MTA3: variants seen among roughly 807,000 people sequenced by gnomAD.
The protein encoded by MTA3 is metastasis associated 1 family member 3, also known as metastasis-associated protein MTA3.
MTA3 carries 34 observed loss-of-function variants against 83.5 expected under a neutral mutation model. The observed-to-expected ratio is 0.41, with a 90% confidence interval of 0.31 to 0.54. MTA3 has a LOEUF of 0.54. Among genes scored for constraint, MTA3 ranks in the 20% least tolerant of loss-of-function variants. The pLI, the probability that MTA3 is intolerant of heterozygous loss-of-function variation, is 0.33. For synonymous variants in MTA3, 303 were observed against 252.7 expected (o/e 1.20, Z -1.89); for missense variants, 761 against 726.4 (o/e 1.05, Z -0.55).
In MTA3 at chr2:42,682,514, A is replaced by T; in HGVS notation, c.816A>T (p.Ser272=). 6.2e-7 allele frequency: 1 copy of T among 1,612,732 alleles called. No homozygotes were observed. The part of the protein sequence containing the change: ...VLCRDEMEEW[S]ASEASLFEEA... ...GCAGAGATGAAATGGAGGAATGGTC[A>T]GCCTCTGAAGCTAGCTTATTTGAAG... Residue 272 remains serine (S), a synonymous_variant, in exon 9 of 17, where the codon TCA becomes TCT. Transcript: ENST00000405094.
intron 2 of MTA3, among the ~76,000 whole-genome samples, chr2:42,554,762 C>G (rs1044871951): frequency 6.6e-6 from 1 of 152,126 alleles, no homozygotes; most frequent in Non-Finnish European, 1.5e-5. Flanking sequence ...AAGGGTCTCC[C>G]CAGTGTTTGT....
chr2:42,725,221 G>A (rs1667725199), intron 16 of MTA3, among the ~76,000 whole-genome samples: 1 of 152,234 alleles, frequency 6.6e-6, no homozygotes, highest in Admixed American at 6.5e-5. Context: ...TTGGCATGTA[G>A]TAGGTACTCA....
chr2:42,714,417 C>A (rs1457859544), intron 14 of MTA3, among the ~76,000 whole-genome samples: 1 of 151,678 alleles, frequency 6.6e-6, no homozygotes, highest in Non-Finnish European at 1.5e-5. Context: ...AGTTTTGTGG[C>A]TTCTTTAAAA....
At chr2:42,614,706 G>C (rs973841509) in intron 4 of MTA3, among the ~76,000 whole-genome samples, 10 of 152,044 alleles carry the variant, frequency 6.6e-5, no homozygotes, top group African/African-American at 2.4e-4. Flanking sequence ...TGGGTGCAGT[G>C]GCTCATGCCT....
At chr2:42,568,844 CG>C (rs1416925842) in intron 1 of MTA3, 71 bp downstream of exon 1, 14 of 1,202,692 alleles carry the variant, frequency 1.2e-5, no homozygotes, top group Non-Finnish European at 1.3e-5. Context: ...GGCGAGTGCA[CG>C]CCAACTGCCG....
intron 3 of MTA3, among the ~76,000 whole-genome samples, chr2:42,591,602 A>G (rs1196812562): frequency 2.0e-5 from 3 of 151,458 alleles, no homozygotes; most frequent in African/African-American, 7.3e-5. Flanking sequence ...ATTTTCTTTC[A>G]TCATATATCC....
intron 2 of MTA3, among the ~76,000 whole-genome samples, 195 bp downstream of exon 2, chr2:42,570,699 T>C (rs1440253022): frequency 6.6e-6 from 1 of 152,010 alleles, no homozygotes; most frequent in African/African-American, 2.4e-5. Flanking sequence ...TCTCTTATTT[T>C]TTTTTAATTA....
chr2:42,691,505 T>A (rs1405116167), intron 9 of MTA3, among the ~76,000 whole-genome samples: 1 of 152,222 alleles, frequency 6.6e-6, no homozygotes, highest in Non-Finnish European at 1.5e-5. Context: ...TTTTTTTTTA[T>A]TAGTTCATCA....
chr2:42,725,576 A>T (rs1177420960), intron 16 of MTA3, among the ~76,000 whole-genome samples: 1 of 152,256 alleles, frequency 6.6e-6, no homozygotes, highest in African/African-American at 2.4e-5. Flanking sequence ...GGGAGAGCAC[A>T]AGGAAGAAGC....
At chr2:42,597,942 A>G (rs1380327617) in intron 3 of MTA3, among the ~76,000 whole-genome samples, 1 of 152,114 alleles carries the variant, frequency 6.6e-6, no homozygotes, top group Non-Finnish European at 1.5e-5. Context: ...TTAGCCTCCC[A>G]AAGTGTTAGG....
intron 4 of MTA3, among the ~76,000 whole-genome samples, chr2:42,622,148 A>G (rs1685629778): frequency 6.6e-6 from 1 of 152,214 alleles, no homozygotes; most frequent in South Asian, 2.1e-4. Flanking sequence ...TCCGTCTGCA[A>G]TCCCGGCACC....
intron 16 of MTA3, among the ~76,000 whole-genome samples, chr2:42,740,691 T>C (rs889260249): frequency 2.6e-5 from 4 of 152,278 alleles, no homozygotes; most frequent in Non-Finnish European, 5.9e-5. Flanking sequence ...TGATTTTTTT[T>C]CCTAAGCAGT....
At chr2:42,594,385 C>T (rs1339599246) in intron 3 of MTA3, among the ~76,000 whole-genome samples, 2 of 149,642 alleles carry the variant, frequency 1.3e-5, no homozygotes, top group African/African-American at 4.9e-5. Flanking sequence ...TACAGGTGTG[C>T]ACCACCATGC....
chr2:42,523,849 C>G (rs1362712220), intron 2 of MTA3, among the ~76,000 whole-genome samples: 1 of 152,048 alleles, frequency 6.6e-6, no homozygotes, highest in Non-Finnish European at 1.5e-5. Flanking sequence ...GCCGGGAAGT[C>G]AAGGCTGCAG....
intron 2 of MTA3, among the ~76,000 whole-genome samples, chr2:42,524,842 A>G (rs13392223): frequency 0.35 from 51,083 of 145,016 alleles, 8,844 homozygotes; most frequent in South Asian, 0.4. Context: ...AAAAAAAAAG[A>G]AAAAAAGAGA....
chr2:42,543,546 A>G (rs1676617574), intron 2 of MTA3, among the ~76,000 whole-genome samples: 1 of 152,012 alleles, frequency 6.6e-6, no homozygotes, highest in South Asian at 2.1e-4. Context: ...GAGCAGTGGC[A>G]ATTATAGCTC....
At chr2:42,640,908 G>T (rs1252670450) in intron 5 of MTA3, among the ~76,000 whole-genome samples, 1 of 151,874 alleles carries the variant, frequency 6.6e-6, no homozygotes, top group Non-Finnish European at 1.5e-5. Context: ...TTACATATAC[G>T]TATGTTTTAG....
rs575391755 is a variant in MTA3 at position 42,597,114 on chromosome 2, G to A, written c.191-12344G>A. ...TTTAGTAGAGACGGGGTTTCACCTT[G>A]TTGTCCAGGCGGGTTTCGAAATCCT... is the stretch of plus-strand genomic sequence containing the variant. On this transcript the variant is annotated intron_variant, in intron 3 of 16. Transcript: ENST00000405094. Among the ~76,000 whole-genome samples the A allele has an allele frequency of 1.2e-4, 18 of 151,912 alleles. No homozygotes were observed. In the South Asian group the frequency reaches 3.7e-3, roughly 32 times the overall value.
chr2:42,525,980 A>G (rs1675693655), intron 2 of MTA3, among the ~76,000 whole-genome samples: 1 of 151,944 alleles, frequency 6.6e-6, no homozygotes, highest in African/African-American at 2.4e-5. Flanking sequence ...GTTTCAACCT[A>G]TCCTTTGCCA....
Sources: gnomAD v4.1 joint callset for allele counts (sites outside exome capture counted in the v4.1 genomes callset) on GRCh38, gnomAD v4.1.1 for gene constraint, MANE v1.5 for transcripts, NCBI Gene and HGNC (gene_info 2026-07-23, HGNC 2026-07-21) for gene names.